The following TRPM3 variants were observed in gnomAD, a reference collection of about 807,000 sequenced individuals.
TRPM3 encodes the protein long transient receptor potential channel 3.
TRPM3 carries 77 observed loss-of-function variants against 181.2 expected under a neutral mutation model. That is an observed-to-expected ratio of 0.42 (90% CI 0.35 to 0.51). The LOEUF (loss-of-function observed/expected upper bound fraction) is 0.51, where lower values mean the gene tolerates loss of function less well. TRPM3 is among the 20% of genes least tolerant of loss of function. TRPM3 has a pLI of 0.01. For missense variants in TRPM3, 1,759 were observed against 2,196.7 expected, an observed-to-expected ratio of 0.80 and a Z score of 3.98; for synonymous variants, 745 against 796.4, an observed-to-expected ratio of 0.94 and a Z score of 1.09.
chr9:70,606,481 ACT>A (rs1467746265), intron 19 of TRPM3, among the ~76,000 whole-genome samples: 1 of 151,946 alleles, frequency 6.6e-6, no homozygotes, highest in Non-Finnish European at 1.5e-5. Flanking sequence ...TTTTGGGACA[ACT>A]CTCAAAATAC....
At chr9:71,171,078 AATAGACTCCAGTCTCCC>A (rs2076830173) in intron 1 of TRPM3, among the ~76,000 whole-genome samples, 2 of 152,186 alleles carry the variant, frequency 1.3e-5, no homozygotes, top group African/African-American at 2.4e-5. Context: ...GCAGAGGTGA[AATAGACTCCAGTCTCCC>A]ATAGCGCTCC....
intron 1 of TRPM3, among the ~76,000 whole-genome samples, chr9:71,360,394 C>T (rs185439913): frequency 6.6e-5 from 10 of 152,264 alleles, no homozygotes; most frequent in African/African-American, 2.4e-4. Flanking sequence ...GAAAGCTAAA[C>T]AACAGATCAG....
At chr9:70,875,754 C>A (rs2095858874) in intron 1 of TRPM3, among the ~76,000 whole-genome samples, 1 of 151,808 alleles carries the variant, frequency 6.6e-6, no homozygotes. Flanking sequence ...TTTGACCTAA[C>A]AAACAAGAAT....
At chr9:71,016,281 T>C (rs2097784776) in intron 1 of TRPM3, among the ~76,000 whole-genome samples, 1 of 151,824 alleles carries the variant, frequency 6.6e-6, no homozygotes, top group South Asian at 2.1e-4. Flanking sequence ...TATAATGTAA[T>C]GTTTTCCATT....
chr9:70,598,286 CATAAA>C (rs1181685296), intron 21 of TRPM3, 128 bp downstream of exon 21: 23 of 1,194,564 alleles, frequency 1.9e-5, no homozygotes, highest in Admixed American at 7.0e-5. Context: ...AAAAGGAATT[CATAAA>C]ATAAAACACC....
intron 1 of TRPM3, among the ~76,000 whole-genome samples, chr9:71,441,322 AGAGT>A (rs564275554): frequency 5.9e-5 from 9 of 152,220 alleles, no homozygotes; most frequent in Non-Finnish European, 8.8e-5. Flanking sequence ...TTTTTTTAAC[AGAGT>A]GAGTAAAAGG....
chr9:71,094,554 GGA>G (rs35593039), intron 1 of TRPM3, among the ~76,000 whole-genome samples: 6,550 of 152,196 alleles, frequency 0.043, 218 homozygotes, highest in African/African-American at 0.092. Flanking sequence ...GAATATAGGA[GGA>G]GAAAATTATT....
chr9:71,008,404 C>T (rs1247509268), intron 1 of TRPM3, among the ~76,000 whole-genome samples: 1 of 152,078 alleles, frequency 6.6e-6, no homozygotes, highest in African/African-American at 2.4e-5. Context: ...CTTTCTAAGT[C>T]ATTCTATGAG....
chr9:70,610,603 G>T lies in TRPM3; in HGVS notation c.2667+6C>A. Reference sequence around the variant, plus strand: ...CACTAGGAAGGAGAAAAGGAAATGTGCTTACTGTGTAGAACCAGAACTTCA... The same window carrying T: ...CACTAGGAAGGAGAAAAGGAAATGTTCTTACTGTGTAGAACCAGAACTTCA... On this transcript the variant is annotated splice_donor_region_variant and intron_variant, in intron 19 of 25. Transcript: ENST00000677713. The T allele has an allele frequency of 6.2e-7, 1 of 1,613,238 alleles. No homozygotes were observed. The highest frequency in any genetic ancestry group is 8.5e-7 in the Non-Finnish European group (1 of 1,179,440).
At chr9:71,346,968 TGA>T (rs1157783606) in intron 1 of TRPM3, among the ~76,000 whole-genome samples, 6 of 152,220 alleles carry the variant, frequency 3.9e-5, no homozygotes, top group Non-Finnish European at 7.3e-5. Flanking sequence ...TGAACTCTGA[TGA>T]GAGAAACTGA....
chr9:70,991,855 G>A (rs943604254), intron 1 of TRPM3, among the ~76,000 whole-genome samples: 4 of 152,064 alleles, frequency 2.6e-5, no homozygotes, highest in Non-Finnish European at 5.9e-5. Context: ...ACTGTTTCAA[G>A]TTCCCAGATA....
At chr9:71,397,499 T>C (rs1286472954) in intron 1 of TRPM3, among the ~76,000 whole-genome samples, 2 of 152,194 alleles carry the variant, frequency 1.3e-5, no homozygotes, top group Non-Finnish European at 2.9e-5. Context: ...TGACTTAAAG[T>C]GTTTGTTGGG....
At chr9:70,949,508 A>T (rs1418196864) in intron 1 of TRPM3, among the ~76,000 whole-genome samples, 3 of 152,028 alleles carry the variant, frequency 2.0e-5, no homozygotes, top group Non-Finnish European at 4.4e-5. Flanking sequence ...AAGATCCCAG[A>T]AGGACTTCTC....
At position 70,632,868 on chromosome 9, in the gene TRPM3, A is replaced by G. The variant is rs79999899; in HGVS notation, c.1632+2343T>C. ...CTTAGAGATACTTTACATGCCTTCT[A>G]ATCATACAAGTGACGTGAGCAAATG... On this transcript the variant is annotated intron_variant, in intron 12 of 25. Coordinates refer to ENST00000677713, the MANE Select transcript of TRPM3 (RefSeq NM_001366145.2). Among the ~76,000 whole-genome samples, 936 of 152,362 alleles carry G rather than the reference A, an allele frequency of 6.1e-3. 13 individuals carry two copies. Among genetic ancestry groups the G allele is most frequent in the African/African-American group, 0.021 (890 of 41,572 alleles).
intron 1 of TRPM3, among the ~76,000 whole-genome samples, chr9:71,347,399 T>C (rs370216701): frequency 5.5e-4 from 84 of 152,346 alleles, no homozygotes; most frequent in Non-Finnish European, 8.2e-4. Flanking sequence ...AAAAGCTCTT[T>C]GTCCATAGAT....
At chr9:71,445,311 T>G (rs780155677) in intron 1 of TRPM3, among the ~76,000 whole-genome samples, 2 of 152,202 alleles carry the variant, frequency 1.3e-5, no homozygotes, top group Non-Finnish European at 2.9e-5. Flanking sequence ...TGTCATGAAT[T>G]TTATATTTTC....
Position 70,639,152 on chromosome 9 carries a change from C to G in TRPM3, c.1489G>C (p.Asp497His). The G allele has an allele frequency of 6.2e-7, 1 of 1,614,012 alleles. No individual in the cohort carries two copies. The highest frequency in any genetic ancestry group is 8.5e-7 in the Non-Finnish European group (1 of 1,179,934). Residue 497 changes from aspartate (D) to histidine (H), a missense_variant, in exon 11 of 26, where the codon GAC becomes CAC. Coordinates refer to ENST00000677713, the MANE Select transcript of TRPM3 (RefSeq NM_001366145.2). ...AGTAATTTCACAAAATCCACTCTGTCCAGAACTAAGGCATCCAACATGGCT... is the reference window on the plus strand; with the variant it reads ...AGTAATTTCACAAAATCCACTCTGTGCAGAACTAAGGCATCCAACATGGCT... ...EQAMLDALVL[D>H]RVDFVKLLIE...
intron 8 of TRPM3, among the ~76,000 whole-genome samples, chr9:70,689,498 C>CTAATTT (rs1476022107): frequency 3.5e-5 from 5 of 140,968 alleles, no homozygotes; most frequent in African/African-American, 1.4e-4. Flanking sequence ...GCAACAACTA[C>CTAATTT]AGTAACCATC....
At chr9:70,827,818 C>T in intron 6 of TRPM3, 29 bp downstream of exon 6, 5 of 1,608,380 alleles carry the variant, frequency 3.1e-6, no homozygotes, top group Non-Finnish European at 4.3e-6. Context: ...CTCCTACGAG[C>T]CATGCCAGTG....
Sources: allele counts gnomAD v4.1 joint callset (sites outside exome capture counted in the v4.1 genomes callset), GRCh38; gene constraint gnomAD v4.1.1; transcripts MANE v1.5; gene names NCBI Gene and HGNC (gene_info 2026-07-23, HGNC 2026-07-21).